EVA1C: variants seen among roughly 807,000 people sequenced by gnomAD.
EVA1C encodes the protein eva-1 homolog C, also known as protein eva-1 homolog C.
EVA1C carries 25 observed loss-of-function variants against 45.4 expected under a neutral mutation model. That is an observed-to-expected ratio of 0.55 (90% CI 0.40 to 0.77). EVA1C has a LOEUF of 0.77. Ranked by LOEUF, EVA1C falls within the 30% of genes least tolerant of loss-of-function variation. The pLI, the probability that EVA1C is intolerant of heterozygous loss-of-function variation, is 0.00. For missense variants in EVA1C, 479 were observed against 554.8 expected (o/e 0.86, Z 1.37); for synonymous variants, 190 against 221.2 (o/e 0.86, Z 1.25).
intron 1 of EVA1C, among the ~76,000 whole-genome samples, chr21:32,450,502 C>T (rs1485080810): frequency 3.8e-5 from 1 of 26,378 alleles, no homozygotes; most frequent in South Asian, 2.0e-3. Flanking sequence ...ATTTATTCCC[C>T]GGACCACAGT....
intron 4 of EVA1C, among the ~76,000 whole-genome samples, chr21:32,484,374 T>C (rs919329330): frequency 1.3e-5 from 2 of 151,814 alleles, no homozygotes; most frequent in Admixed American, 1.3e-4. Flanking sequence ...TGAAACCCCA[T>C]CTCTACTAAA....
At chr21:32,505,291 C>T (rs2037690061) in intron 7 of EVA1C, among the ~76,000 whole-genome samples, 1 of 152,124 alleles carries the variant, frequency 6.6e-6, no homozygotes, top group Admixed American at 6.5e-5. Flanking sequence ...ATGGTTTCTT[C>T]TGTGGGTCCT....
At chr21:32,451,478 T>A (rs9284454) in intron 1 of EVA1C, among the ~76,000 whole-genome samples, 1 of 152,042 alleles carries the variant, frequency 6.6e-6, no homozygotes, top group Non-Finnish European at 1.5e-5. Flanking sequence ...AGCCCAGGGC[T>A]GAGTGTGGCT....
In EVA1C at chr21:32,515,172, C is replaced by T; in HGVS notation, c.1308C>T (p.Asn436=). Residue 436 remains asparagine, a synonymous_variant, in exon 8 of 8, where the codon AAC becomes AAT. Transcript: ENST00000300255. ...GTTTGGACACCTCGCTCCCAAGAAA[C>T]ATGGGCCAGTTCTACTGAAAACCAC... ...NSGLDTSLPR[N]MGQFY is the part of the protein sequence containing the mutation. The T allele has an allele frequency of 1.3e-6, 2 of 1,592,530 alleles. No homozygotes were observed.
intron 7 of EVA1C, among the ~76,000 whole-genome samples, chr21:32,510,664 G>A (rs2037917380): frequency 6.6e-6 from 1 of 152,160 alleles, no homozygotes; most frequent in Non-Finnish European, 1.5e-5. Flanking sequence ...GCAGAACAGT[G>A]TTTCATCCCT....
chr21:32,451,422 G>C (rs757234309), intron 1 of EVA1C, among the ~76,000 whole-genome samples: 1 of 152,148 alleles, frequency 6.6e-6, no homozygotes, highest in African/African-American at 2.4e-5. Context: ...TCCTTGCCGA[G>C]AAATAGTTTA....
intron 5 of EVA1C, among the ~76,000 whole-genome samples, chr21:32,499,450 G>A (rs1459536332): frequency 4.6e-5 from 7 of 152,174 alleles, no homozygotes; most frequent in South Asian, 2.1e-4. Context: ...CAACTTCACC[G>A]GGCTTCCCTG....
At chr21:32,448,569 C>G (rs1340767726) in intron 1 of EVA1C, among the ~76,000 whole-genome samples, 1 of 151,498 alleles carries the variant, frequency 6.6e-6, no homozygotes, top group Non-Finnish European at 1.5e-5. Context: ...TTTTTTTTTC[C>G]TTTTAAATAG....
At chr21:32,437,520 A>G (rs73190662) in intron 1 of EVA1C, among the ~76,000 whole-genome samples, 15,271 of 152,224 alleles carry the variant, frequency 0.1, 892 homozygotes, top group Middle Eastern at 0.21. Flanking sequence ...GCATCCCTTC[A>G]GGTTAAGATT....
At chr21:32,489,405 T>C (rs1349745798) in intron 4 of EVA1C, among the ~76,000 whole-genome samples, 2 of 152,230 alleles carry the variant, frequency 1.3e-5, no homozygotes, top group Non-Finnish European at 2.9e-5. Context: ...AGTTAGTTGA[T>C]GGTATATCCT....
chr21:32,500,811 A>C (rs1449429852), intron 5 of EVA1C, among the ~76,000 whole-genome samples: 2 of 147,122 alleles, frequency 1.4e-5, no homozygotes, highest in African/African-American at 5.0e-5. Flanking sequence ...TCATATCGGT[A>C]CTTCACTTTT....
At chr21:32,425,845 G>A (rs924096392) in intron 1 of EVA1C, among the ~76,000 whole-genome samples, 1 of 152,110 alleles carries the variant, frequency 6.6e-6, no homozygotes, top group Non-Finnish European at 1.5e-5. Context: ...CCAGGACAGC[G>A]CCCCCACAGC....
In EVA1C at chr21:32,504,015, G is replaced by A; in HGVS notation, c.949G>A (p.Ala317Thr). Residue 317 changes from alanine to threonine, a missense_variant and splice_region_variant, in exon 7 of 8, where the codon GCC becomes ACC. Transcript: ENST00000300255. The stretch of plus-strand genomic sequence containing the variant: ...TCTGGCAGCCTTTGCTTACATTAGA[G>A]GTAGGTCAATGAATCAAAGCTTCCT... ...NSLAAFAYIR[A>T]HPERAALLFV... 1.2e-6 allele frequency: 2 copies of A among 1,602,022 alleles called. No homozygotes were observed. The highest frequency in any genetic ancestry group is 1.7e-6 in the Non-Finnish European group (2 of 1,171,878).
intron 7 of EVA1C, among the ~76,000 whole-genome samples, chr21:32,507,691 T>C (rs200722703): frequency 6.6e-6 from 1 of 152,132 alleles, no homozygotes; most frequent in African/African-American, 2.4e-5. Flanking sequence ...TGTGCATGTG[T>C]GCATGCGTAT....
chr21:32,511,535 C>T (rs1483446744), intron 7 of EVA1C, among the ~76,000 whole-genome samples: 1 of 150,994 alleles, frequency 6.6e-6, no homozygotes, highest in East Asian at 1.9e-4. Context: ...GGGTACATGA[C>T]ATGAGCCAGC....
At chr21:32,469,676 C>A (rs1323089713) in intron 4 of EVA1C, among the ~76,000 whole-genome samples, 1 of 152,168 alleles carries the variant, frequency 6.6e-6, no homozygotes, top group Non-Finnish European at 1.5e-5. Context: ...GCTGGAGACC[C>A]AGGAAAGAGT....
intron 1 of EVA1C, among the ~76,000 whole-genome samples, chr21:32,443,566 C>T (rs996198085): frequency 1.3e-5 from 2 of 151,932 alleles, no homozygotes; most frequent in African/African-American, 4.8e-5. Context: ...AAAACCCTTA[C>T]AGTATAATTG....
At chr21:32,491,486 C>T (rs1601408721) in intron 4 of EVA1C, among the ~76,000 whole-genome samples, 1 of 151,646 alleles carries the variant, frequency 6.6e-6, no homozygotes, top group African/African-American at 2.4e-5. Flanking sequence ...GTCAGGAGTT[C>T]GAGACCAGCC....
At chr21:32,506,412 A>C (rs2037724028) in intron 7 of EVA1C, among the ~76,000 whole-genome samples, 1 of 151,418 alleles carries the variant, frequency 6.6e-6, no homozygotes, top group African/African-American at 2.4e-5. Flanking sequence ...GGACTTGATG[A>C]GCTGTTATTT....
Sources: allele counts gnomAD v4.1 joint callset (sites outside exome capture counted in the v4.1 genomes callset), GRCh38; gene constraint gnomAD v4.1.1; transcripts MANE v1.5; gene names NCBI Gene and HGNC (gene_info 2026-07-23, HGNC 2026-07-21).